UTRN: variants seen among roughly 807,000 people sequenced by gnomAD.
The protein encoded by UTRN is dystrophin-related protein 1.
In UTRN, 283 loss-of-function variants were observed where a neutral mutation model predicts 463.9. The observed-to-expected ratio is 0.61, with a 90% CI of 0.55 to 0.67. The LOEUF (loss-of-function observed/expected upper bound fraction) is 0.67, where lower values mean the gene tolerates loss of function less well. Ranked by LOEUF, UTRN falls within the 30% of genes least tolerant of loss-of-function variation. The pLI, the probability that UTRN is intolerant of heterozygous loss-of-function variation, is 0.00. For missense variants in UTRN, 3,922 were observed against 4,084.3 expected (o/e 0.96, Z 1.08); for synonymous variants, 1,442 against 1,431.5 (o/e 1.01, Z -0.17).
At position 144,781,914 on chromosome 6, in the gene UTRN, C is replaced by A. The variant is rs772208182; in HGVS notation, c.8633-8C>A. 3 of 1,610,472 alleles carry A rather than the reference C, an allele frequency of 1.9e-6. No homozygotes were observed. The highest frequency in any genetic ancestry group is 2.5e-6 in the Non-Finnish European group (3 of 1,177,490). ...GACTGTAAACATTCCTTCTTCTCTC[C>A]TGGTTAGTGGATCTCTTAGAGTTGA... On this transcript the variant is annotated splice_polypyrimidine_tract_variant and splice_region_variant and intron_variant, in intron 60 of 74. Transcript: ENST00000367545.
intron 52 of UTRN, among the ~76,000 whole-genome samples, chr6:144,693,874 A>C (rs1466028015): frequency 6.6e-6 from 1 of 152,150 alleles, no homozygotes; most frequent in Admixed American, 6.5e-5. Flanking sequence ...TCTATTTGGT[A>C]GCCCTTTATT....
intron 58 of UTRN, among the ~76,000 whole-genome samples, chr6:144,761,552 G>A (rs549351331): frequency 8.1e-4 from 123 of 151,968 alleles, no homozygotes; most frequent in Non-Finnish European, 1.1e-3. Context: ...AGGCTGAGGT[G>A]GGAGGATCAC....
intron 46 of UTRN, among the ~76,000 whole-genome samples, chr6:144,546,764 G>A (rs1798445797): frequency 6.6e-6 from 1 of 152,126 alleles, no homozygotes; most frequent in Admixed American, 6.5e-5. Context: ...AGCTGTGTTC[G>A]TGCCTCTGCT....
rs74803139 is a variant in UTRN, at chr6:144,385,669, G to A, written c.80-17454G>A. 7.4e-3 allele frequency among the ~76,000 whole-genome samples: 1,115 copies of A among 151,636 alleles called. 55 individuals carry two copies. In the East Asian group the frequency reaches 0.13, roughly 18 times the overall value. On this transcript the variant is annotated intron_variant, in intron 2 of 74. Coordinates refer to ENST00000367545, the MANE Select transcript of UTRN (RefSeq NM_007124.3). ...AAAGGCAATAAATGTCAGACTCACA[G>A]TAGACTATTAAATAAAGACAGTGCT...
At chr6:144,488,998 A>G (rs558337251) in intron 30 of UTRN, among the ~76,000 whole-genome samples, 164 bp downstream of exon 30, 8 of 151,812 alleles carry the variant, frequency 5.3e-5, no homozygotes, top group Non-Finnish European at 1.0e-4. Flanking sequence ...CTTGCTTTCT[A>G]TGTGAGACTC....
rs1796259406 is a variant in UTRN at position 144,523,196 on chromosome 6, TA to T, written c.5906+11del. 2 of 1,518,042 alleles carry T rather than the reference TA, an allele frequency of 1.3e-6. No homozygotes were observed. Among genetic ancestry groups the T allele is most frequent in the African/African-American group, 2.8e-5 (2 of 70,858 alleles). The allele number at this position is 1,518,042 out of a possible 1,614,324, so 94.0% of individuals were successfully genotyped here. On this transcript the variant is annotated intron_variant, in intron 41 of 74. Transcript: ENST00000367545. Reference sequence around the variant, plus strand: ...GTACAGTGATCGGAAAGGGTATGTGTAAATGAAATTAATATTTAATTTAAAA... The same window carrying T: ...GTACAGTGATCGGAAAGGGTATGTGTAATGAAATTAATATTTAATTTAAAA...
At chr6:144,682,809 T>C (rs1782348298) in intron 52 of UTRN, among the ~76,000 whole-genome samples, 1 of 152,232 alleles carries the variant, frequency 6.6e-6, no homozygotes, top group Non-Finnish European at 1.5e-5. Flanking sequence ...ATAAAATAGT[T>C]TGTTATTTAA....
intron 71 of UTRN, 116 bp from the exon 72 acceptor site, chr6:144,839,057 A>T: frequency 2.8e-6 from 2 of 710,352 alleles, no homozygotes; most frequent in East Asian, 5.8e-5. Flanking sequence ...TCTGAAGGCA[A>T]AGACTTCTAT....
chr6:144,747,246 T>C (rs1790858740), intron 54 of UTRN, among the ~76,000 whole-genome samples: 1 of 152,198 alleles, frequency 6.6e-6, no homozygotes, highest in African/African-American at 2.4e-5. Flanking sequence ...TAATGTACAG[T>C]TTATGTCAAT....
chr6:144,792,707 G>A (rs187207364), intron 62 of UTRN, among the ~76,000 whole-genome samples: 194 of 152,268 alleles, frequency 1.3e-3, no homozygotes, highest in Admixed American at 3.1e-3. Flanking sequence ...TGAATTTTTA[G>A]AACTTGAAAA....
At chr6:144,530,928 C>T in intron 41 of UTRN, 124 bp from the exon 42 acceptor site, 1 of 1,091,852 alleles carries the variant, frequency 9.2e-7, no homozygotes, top group Middle Eastern at 3.2e-4. Context: ...GAGCAATAGG[C>T]TGTGAATTCA....
At chr6:144,738,604 C>G (rs935250958) in intron 54 of UTRN, among the ~76,000 whole-genome samples, 1 of 152,156 alleles carries the variant, frequency 6.6e-6, no homozygotes, top group Non-Finnish European at 1.5e-5. Flanking sequence ...AATAAAACTG[C>G]TAACAATTTT....
intron 73 of UTRN, among the ~76,000 whole-genome samples, chr6:144,845,154 T>A (rs1457990357): frequency 6.6e-6 from 1 of 152,180 alleles, no homozygotes; most frequent in African/African-American, 2.4e-5. Context: ...TTATGTTGAG[T>A]CTTAGAGCAG....
Position 144,533,270 on chromosome 6 carries a change from C to T in UTRN, c.6233+10C>T, listed in dbSNP as rs756856932. ...AGGATAGGCAGCCAAGGTGATTTAG[C>T]TATGATTGTTTGCAGGCACAGGAGT... On this transcript the variant is annotated intron_variant, in intron 43 of 74. Transcript: ENST00000367545. The T allele has an allele frequency of 6.2e-7, 1 of 1,613,274 alleles. No individual in the cohort carries two copies. Among genetic ancestry groups the T allele is most frequent in the Non-Finnish European group, 8.5e-7 (1 of 1,179,558 alleles).
At chr6:144,567,322 T>C (rs571532371) in intron 50 of UTRN, among the ~76,000 whole-genome samples, 2 of 152,056 alleles carry the variant, frequency 1.3e-5, no homozygotes, top group East Asian at 3.9e-4. Context: ...CTGGGGAAGG[T>C]ATTGGAGTTA....
intron 3 of UTRN, among the ~76,000 whole-genome samples, chr6:144,411,550 G>A (rs1362924084): frequency 2.0e-5 from 3 of 152,056 alleles, no homozygotes; most frequent in African/African-American, 7.2e-5. Flanking sequence ...TCACTATACC[G>A]GTAACTTACC....
intron 2 of UTRN, among the ~76,000 whole-genome samples, chr6:144,302,681 A>G (rs868318255): frequency 6.6e-6 from 1 of 152,220 alleles, no homozygotes; most frequent in Non-Finnish European, 1.5e-5. Flanking sequence ...TTGGAAAGAA[A>G]GACATCAATA....
chr6:144,796,998 G>A (rs1019594156), intron 63 of UTRN, among the ~76,000 whole-genome samples: 1 of 152,102 alleles, frequency 6.6e-6, no homozygotes, highest in African/African-American at 2.4e-5. Context: ...AGAGGGATTG[G>A]GGAGTTTTAT....
intron 60 of UTRN, among the ~76,000 whole-genome samples, chr6:144,776,643 C>T (rs1287759993): frequency 6.6e-6 from 1 of 152,154 alleles, no homozygotes; most frequent in African/African-American, 2.4e-5. Context: ...CTCTGTCCAC[C>T]TCCTTCCCTC....
Sources: allele counts gnomAD v4.1 joint callset (sites outside exome capture counted in the v4.1 genomes callset), GRCh38; gene constraint gnomAD v4.1.1; transcripts MANE v1.5; gene names NCBI Gene and HGNC (gene_info 2026-07-23, HGNC 2026-07-21).